Variants in WWOX observed in about 807,000 individuals in gnomAD.
The protein encoded by WWOX is WW domain containing oxidoreductase.
A neutral mutation model predicts 46.2 loss-of-function variants in WWOX; 69 were observed. The observed-to-expected ratio is 1.49, with a 90% CI of 1.23 to 1.82. The LOEUF is 1.82. WWOX is among the 40% of genes most tolerant of loss of function. The pLI is 0.00. For missense variants in WWOX, 919 were observed against 542.6 expected, an observed-to-expected ratio of 1.69 and a Z score of -6.89; for synonymous variants, 359 against 202.6, an observed-to-expected ratio of 1.77 and a Z score of -6.56.
At chr16:78,811,416 C>T (rs1006652686) in intron 8 of WWOX, among the ~76,000 whole-genome samples, 2 of 152,078 alleles carry the variant, frequency 1.3e-5, no homozygotes, top group South Asian at 2.1e-4. Flanking sequence ...TATTAACTTT[C>T]TTCATCTCCC....
At chr16:78,387,965 A>G (rs1251906230) in intron 6 of WWOX, among the ~76,000 whole-genome samples, 1 of 152,068 alleles carries the variant, frequency 6.6e-6, no homozygotes, top group South Asian at 2.1e-4. Context: ...TTGCAAGCAG[A>G]TGAAGGATGT....
chr16:79,209,754 GGC>G (rs2051652500), intron 8 of WWOX, among the ~76,000 whole-genome samples: 1 of 152,216 alleles, frequency 6.6e-6, no homozygotes, highest in Non-Finnish European at 1.5e-5. Flanking sequence ...TGTCTTTAGA[GGC>G]ACTTCTGCTT....
At chr16:78,378,472 A>G (rs1294579493) in intron 5 of WWOX, among the ~76,000 whole-genome samples, 2 of 152,136 alleles carry the variant, frequency 1.3e-5, no homozygotes, top group Non-Finnish European at 2.9e-5. Context: ...GCGATCACCC[A>G]TTGCCACCGT....
intron 8 of WWOX, among the ~76,000 whole-genome samples, chr16:78,568,654 T>C (rs1159462600): frequency 3.3e-5 from 5 of 152,062 alleles, no homozygotes; most frequent in African/African-American, 1.2e-4. Context: ...TTTTGTATTT[T>C]AGTAGAGGTG....
At chr16:78,315,079 C>T (rs1388174039) in intron 5 of WWOX, among the ~76,000 whole-genome samples, 1 of 152,162 alleles carries the variant, frequency 6.6e-6, no homozygotes, top group Non-Finnish European at 1.5e-5. Flanking sequence ...ATCTAGCTAT[C>T]TATCGATTTC....
At chr16:78,333,887 CAGTG>C (rs1275183006) in intron 5 of WWOX, among the ~76,000 whole-genome samples, 2 of 152,132 alleles carry the variant, frequency 1.3e-5, no homozygotes, top group African/African-American at 2.4e-5. Flanking sequence ...CAGAACAACA[CAGTG>C]AGAGCAGAAA....
chr16:79,009,577 C>T (rs535927219), intron 8 of WWOX, among the ~76,000 whole-genome samples: 11 of 152,198 alleles, frequency 7.2e-5, no homozygotes, highest in African/African-American at 2.2e-4. Flanking sequence ...AAGCGATTCT[C>T]CTGCCTCAGC....
chr16:78,603,602 G>T (rs1269126231), intron 8 of WWOX, among the ~76,000 whole-genome samples: 4 of 152,104 alleles, frequency 2.6e-5, no homozygotes, highest in African/African-American at 9.7e-5. Flanking sequence ...ACTGAGGCAG[G>T]AGAATCGCTT....
intron 5 of WWOX, among the ~76,000 whole-genome samples, chr16:78,353,750 C>G (rs1407821527): frequency 6.6e-6 from 1 of 150,680 alleles, no homozygotes; most frequent in Admixed American, 6.7e-5. Context: ...GCAGGCTCAC[C>G]TGCCTTTGCT....
At chr16:78,158,680 A>G (rs1396696559) in intron 4 of WWOX, among the ~76,000 whole-genome samples, 2 of 152,142 alleles carry the variant, frequency 1.3e-5, no homozygotes, top group East Asian at 1.9e-4. Flanking sequence ...CTTTGGGTTC[A>G]TAGGATCTGT....
intron 8 of WWOX, among the ~76,000 whole-genome samples, chr16:78,457,642 G>A (rs1044291573): frequency 5.3e-5 from 8 of 152,174 alleles, no homozygotes; most frequent in South Asian, 4.1e-4. Flanking sequence ...GGCCATGTAC[G>A]GTGGCTCATG....
intron 5 of WWOX, among the ~76,000 whole-genome samples, chr16:78,246,907 A>AT (rs1231542707): frequency 1.3e-5 from 2 of 151,890 alleles, no homozygotes; most frequent in Non-Finnish European, 2.9e-5. Flanking sequence ...CCCCAGAGTG[A>AT]TTTTCGGAGC....
intron 5 of WWOX, among the ~76,000 whole-genome samples, chr16:78,240,133 T>G (rs1334114848): frequency 6.6e-6 from 1 of 152,058 alleles, no homozygotes; most frequent in Non-Finnish European, 1.5e-5. Context: ...CAAGGTTAAA[T>G]CATTCAGGCT....
chr16:78,384,240 G>T (rs1314215042), intron 5 of WWOX, among the ~76,000 whole-genome samples: 2 of 152,084 alleles, frequency 1.3e-5, no homozygotes, highest in Admixed American at 6.5e-5. Context: ...CTTTCCTCTT[G>T]TGATACATTC....
At chr16:79,086,596 C>G (rs1000504903) in intron 8 of WWOX, among the ~76,000 whole-genome samples, 3 of 152,152 alleles carry the variant, frequency 2.0e-5, no homozygotes, top group African/African-American at 7.2e-5. Flanking sequence ...GAATTTGTGT[C>G]CTGGCCAGGT....
chr16:78,609,147 T>A (rs538233177), intron 8 of WWOX, among the ~76,000 whole-genome samples: 3 of 152,336 alleles, frequency 2.0e-5, no homozygotes, highest in East Asian at 3.9e-4. Flanking sequence ...AAGGTTATAT[T>A]TGAAATCTTT....
intron 6 of WWOX, among the ~76,000 whole-genome samples, chr16:78,419,930 A>G (rs1200455568): frequency 6.6e-6 from 1 of 152,152 alleles, no homozygotes; most frequent in African/African-American, 2.4e-5. Context: ...AAGAACTTTT[A>G]CAATTCAATA....
intron 8 of WWOX, among the ~76,000 whole-genome samples, chr16:79,002,213 CTTTTTTTTTTTTTTTT>C (rs67180105): frequency 2.4e-5 from 1 of 41,302 alleles, no homozygotes; most frequent in Non-Finnish European, 4.1e-5. Context: ...GGTGTCCTGC[CTTTTTTTTTTTTTTTT>C]TTTTTTTTTT....
intron 7 of WWOX, among the ~76,000 whole-genome samples, chr16:78,430,977 C>G (rs1006663841): frequency 9.9e-5 from 15 of 152,108 alleles, no homozygotes; most frequent in African/African-American, 3.6e-4. Flanking sequence ...TAGCAGTTAT[C>G]TAGAGGATTC....
Sources: allele counts gnomAD v4.1 joint callset (sites outside exome capture counted in the v4.1 genomes callset), GRCh38; gene constraint gnomAD v4.1.1; transcripts MANE v1.5; gene names NCBI Gene and HGNC (gene_info 2026-07-23, HGNC 2026-07-21).